The following RAP1GAP2 variants were observed in gnomAD, a reference collection of about 807,000 sequenced individuals.
RAP1GAP2 encodes rap1 GTPase-activating protein 2.
RAP1GAP2 carries 27 observed loss-of-function variants against 95.0 expected under a neutral mutation model. The observed-to-expected ratio is 0.28, with a 90% CI of 0.21 to 0.39. The LOEUF (loss-of-function observed/expected upper bound fraction) is 0.39, where lower values mean the gene tolerates loss of function less well. RAP1GAP2 is among the 10% of genes least tolerant of loss of function. The probability of loss-of-function intolerance (pLI) is 1.00; values close to 1 mark genes in which losing one functional copy is unlikely to be tolerated. For synonymous variants in RAP1GAP2, 373 were observed against 380.9 expected, an observed-to-expected ratio of 0.98 and a Z score of 0.24; for missense variants, 771 against 970.0, an observed-to-expected ratio of 0.79 and a Z score of 2.72.
chr17:3,026,751 G>A (rs570397985), intron 21 of RAP1GAP2, among the ~76,000 whole-genome samples, 193 bp from the exon 22 acceptor site: 1 of 152,308 alleles, frequency 6.6e-6, no homozygotes, highest in Admixed American at 6.5e-5. Flanking sequence ...AGTGCCCCAG[G>A]GGGCTGGGTC....
chr17:2,843,575 C>T (rs1180711682), intron 2 of RAP1GAP2, among the ~76,000 whole-genome samples: 1 of 152,034 alleles, frequency 6.6e-6, no homozygotes, highest in Non-Finnish European at 1.5e-5. Flanking sequence ...GTGTGAGCCA[C>T]CGTGCCCGGC....
At chr17:2,780,035 C>T (rs1054866005) in intron 1 of RAP1GAP2, among the ~76,000 whole-genome samples, 1 of 152,072 alleles carries the variant, frequency 6.6e-6, no homozygotes, top group Non-Finnish European at 1.5e-5. Context: ...GTTCGTGGTA[C>T]AGCATCCACA....
rs777249908 is a variant in RAP1GAP2, at chr17:2,995,348, G to A, written c.926G>A (p.Gly309Asp). 6.2e-7 allele frequency: 1 copy of A among 1,613,710 alleles called. No individual in the cohort carries two copies. The change falls in exon 13 of 25, where the codon GGC (glycine) becomes GAC (aspartate). Residue 309 changes from glycine (G) to aspartate (D), a missense_variant. Gly to Asp is a moderately conservative substitution (Grantham distance 94). Coordinates refer to ENST00000254695, the MANE Select transcript of RAP1GAP2 (RefSeq NM_015085.5). ...TLQDFKGFRG[G>D]LDVTHGQTGV... ...TGTTTTGTTGACAGTTTCCGAGGAG[G>A]CCTGGACGTGACCCACGGACAGACA...
At chr17:2,962,765 G>A in intron 5 of RAP1GAP2, 51 bp downstream of exon 5, 5 of 1,509,728 alleles carry the variant, frequency 3.3e-6, no homozygotes, top group Non-Finnish European at 4.5e-6. Context: ...GAGGGGCTAG[G>A]GCGAGAGGAA....
intron 2 of RAP1GAP2, among the ~76,000 whole-genome samples, chr17:2,812,013 C>T (rs943493457): frequency 1.4e-4 from 22 of 152,284 alleles, no homozygotes; most frequent in Admixed American, 1.3e-3. Context: ...CTGCGCCTGG[C>T]CGGAAATCTG....
intron 2 of RAP1GAP2, among the ~76,000 whole-genome samples, chr17:2,891,814 C>CTTTTTTTTTTTTTTTT (rs917540694): frequency 7.4e-5 from 4 of 54,288 alleles, no homozygotes; most frequent in African/African-American, 1.4e-4. Context: ...TATTTCTTTT[C>CTTTTTTTTTTTTTTTT]TTTTTTTTTT....
chr17:2,905,451 C>G (rs567795665), intron 3 of RAP1GAP2, 83 bp downstream of exon 3: 2 of 1,382,274 alleles, frequency 1.4e-6, no homozygotes, highest in Non-Finnish European at 2.0e-6. Flanking sequence ...GCTCCAGGCC[C>G]AGCAGCGTCC....
chr17:3,021,551 C>G (rs143425926), intron 19 of RAP1GAP2, among the ~76,000 whole-genome samples: 1 of 151,334 alleles, frequency 6.6e-6, no homozygotes, highest in African/African-American at 2.4e-5. Context: ...TCTCCTGTCT[C>G]AGCCTCCCTG....
intron 2 of RAP1GAP2, among the ~76,000 whole-genome samples, chr17:2,819,025 T>G (rs1186680410): frequency 6.6e-6 from 1 of 151,602 alleles, no homozygotes; most frequent in Non-Finnish European, 1.5e-5. Flanking sequence ...AAAGTCTATT[T>G]TTTTTTTTTT....
intron 18 of RAP1GAP2, among the ~76,000 whole-genome samples, chr17:3,018,792 T>C (rs1255467727): frequency 6.6e-6 from 1 of 152,124 alleles, no homozygotes; most frequent in East Asian, 1.9e-4. Context: ...AGGCCGGGCG[T>C]GGTGGCTCAT....
rs1410887814 is a variant in RAP1GAP2 at position 2,897,943 on chromosome 17, CAG to C, written c.81-7340_81-7339del. Among the ~76,000 whole-genome samples, 60 of 137,972 alleles carry C rather than the reference CAG, an allele frequency of 4.3e-4. 1 individual carries two copies. The East Asian group carries it at 0.012, about 28-fold the overall frequency. 90.5% of individuals were successfully genotyped at this position (137,972 alleles called of 152,430 possible). On this transcript the variant is annotated intron_variant, in intron 2 of 24. Transcript: ENST00000254695. ...AGTCTTTTTTTTTTTTTTTTTGAGA[CAG>C]GGTCTCGCTCTGTCCCCCAGGCTGG...
intron 1 of RAP1GAP2, chr17:2,800,058 G>A (rs530475675): frequency 1.8e-4 from 76 of 423,392 alleles, no homozygotes; most frequent in East Asian, 3.2e-4. Flanking sequence ...GGATGCTTGC[G>A]TCTTCCCAAA....
At chr17:2,864,588 C>T (rs893203452) in intron 2 of RAP1GAP2, among the ~76,000 whole-genome samples, 2 of 152,200 alleles carry the variant, frequency 1.3e-5, no homozygotes, top group African/African-American at 2.4e-5. Context: ...AAGGACGGGA[C>T]GTACGGTGTG....
intron 2 of RAP1GAP2, among the ~76,000 whole-genome samples, chr17:2,823,299 C>T (rs922995024): frequency 6.6e-6 from 1 of 152,116 alleles, no homozygotes; most frequent in African/African-American, 2.4e-5. Flanking sequence ...TGGTCTCCCA[C>T]CCCGGGGCCT....
At chr17:2,861,036 G>C (rs939564991) in intron 2 of RAP1GAP2, among the ~76,000 whole-genome samples, 1 of 152,014 alleles carries the variant, frequency 6.6e-6, no homozygotes. Flanking sequence ...TGTTGCGGAG[G>C]CCTCCTTTCC....
At chr17:2,823,353 C>A (rs938002643) in intron 2 of RAP1GAP2, among the ~76,000 whole-genome samples, 2 of 152,108 alleles carry the variant, frequency 1.3e-5, no homozygotes. Context: ...GTCAGGGGAG[C>A]CCCAGCAATG....
At chr17:2,889,889 A>ATATTTTTTTTT (rs1408426152) in intron 2 of RAP1GAP2, among the ~76,000 whole-genome samples, 78 of 57,286 alleles carry the variant, frequency 1.4e-3, no homozygotes, top group Admixed American at 2.2e-3. Context: ...ATATATATAT[A>ATATTTTTTTTT]TTTTTTTTTT....
chr17:2,996,796 G>T (rs1269644608), intron 13 of RAP1GAP2, among the ~76,000 whole-genome samples: 1 of 152,346 alleles, frequency 6.6e-6, no homozygotes, highest in East Asian at 1.9e-4. Context: ...AAAGATGCGC[G>T]TGGAGTAAGT....
intron 2 of RAP1GAP2, among the ~76,000 whole-genome samples, chr17:2,879,063 C>T (rs1166968766): frequency 6.6e-6 from 1 of 151,638 alleles, no homozygotes; most frequent in Non-Finnish European, 1.5e-5. Flanking sequence ...CTTGCCTCCT[C>T]CTTCCTGCCC....
Sources: allele counts gnomAD v4.1 joint callset (sites outside exome capture counted in the v4.1 genomes callset), GRCh38; gene constraint gnomAD v4.1.1; transcripts MANE v1.5; gene names NCBI Gene and HGNC (gene_info 2026-07-23, HGNC 2026-07-21).